Variants in RAB3C observed in about 807,000 individuals in gnomAD.
RAB3C encodes the protein RAB3C, member RAS oncogene family.
A neutral mutation model predicts 26.4 loss-of-function variants in RAB3C; 17 were observed. The observed-to-expected ratio is 0.64, with a 90% CI of 0.44 to 0.97. The LOEUF (loss-of-function observed/expected upper bound fraction) is 0.97. Ranked by LOEUF, RAB3C falls within the 50% of genes least tolerant of loss-of-function variation. The probability of loss-of-function intolerance (pLI) is 0.00; values close to 1 mark genes in which losing one functional copy is unlikely to be tolerated. For synonymous variants in RAB3C, 91 were observed against 95.9 expected, an observed-to-expected ratio of 0.95 and a Z score of 0.30; for missense variants, 242 against 281.9, an observed-to-expected ratio of 0.86 and a Z score of 1.01.
chr5:58,846,794 C>T (rs1744015432), intron 4 of RAB3C: 1 of 151,940 alleles, frequency 6.6e-6, no homozygotes, highest in South Asian at 2.1e-4. Context: ...TCTCTGCTTG[C>T]TCTTTCAGTG....
At chr5:58,800,594 G>A (rs912568144) in intron 3 of RAB3C, among the ~76,000 whole-genome samples, 6 of 152,260 alleles carry the variant, frequency 3.9e-5, no homozygotes, top group African/African-American at 7.2e-5. Flanking sequence ...TGCCTGTGGC[G>A]CGCGCATCAG....
rs1469061490 is a variant in RAB3C at position 58,797,345 on chromosome 5, AAAAAAAAAATATGTATATATATAAT to A, written c.372-27691_372-27667del. Among the ~76,000 whole-genome samples, 15 of 5,060 alleles carry A rather than the reference AAAAAAAAAATATGTATATATATAAT, an allele frequency of 3.0e-3. 2 individuals are homozygous for A. The highest frequency in any genetic ancestry group is 7.3e-3 in the African/African-American group (12 of 1,638). The allele number at this position is 5,060 out of a possible 152,430, so 3.3% of individuals were successfully genotyped here. A position where few individuals can be genotyped will look rare whatever the true frequency, so the allele number is the denominator to read the frequency against. On this transcript the variant is annotated intron_variant, in intron 3 of 4. Transcript: ENST00000282878. ...TATCAGACTCCCTGGAAGACAAAAA[AAAAAAAAAATATGTATATATATAAT>A]ATATATATATATATATATATATATA... is the stretch of plus-strand genomic sequence containing the variant.
intron 2 of RAB3C, among the ~76,000 whole-genome samples, chr5:58,634,670 A>C (rs1281358757): frequency 6.6e-6 from 1 of 152,106 alleles, no homozygotes; most frequent in African/African-American, 2.4e-5. Context: ...GTTAATATAA[A>C]ACTACTAAAT....
chr5:58,713,987 C>T (rs1749117043), intron 2 of RAB3C, among the ~76,000 whole-genome samples: 1 of 152,098 alleles, frequency 6.6e-6, no homozygotes, highest in Non-Finnish European at 1.5e-5. Context: ...CACAGTTATT[C>T]CCCCAGCAGC....
intron 3 of RAB3C, among the ~76,000 whole-genome samples, chr5:58,762,350 G>C (rs114614274): frequency 0.015 from 2,251 of 152,214 alleles, 39 homozygotes; most frequent in African/African-American, 0.052. Context: ...TAAAGACGTA[G>C]TGTATTATTT....
chr5:58,821,608 T>C (rs1283595371), intron 3 of RAB3C, among the ~76,000 whole-genome samples: 1 of 152,204 alleles, frequency 6.6e-6, no homozygotes, highest in African/African-American at 2.4e-5. Flanking sequence ...TAAGGGAATA[T>C]ATTATTAACT....
intron 4 of RAB3C, 84 bp downstream of exon 4, chr5:58,825,246 G>A (rs561180342): frequency 2.3e-6 from 3 of 1,323,464 alleles, no homozygotes; most frequent in Non-Finnish European, 3.0e-6. Flanking sequence ...TAATTGTCAG[G>A]GTGGAGTTAA....
chr5:58,728,982 C>G (rs1740945376), intron 3 of RAB3C, among the ~76,000 whole-genome samples: 2 of 151,940 alleles, frequency 1.3e-5, no homozygotes, highest in African/African-American at 4.8e-5. Context: ...AGTCTATTTA[C>G]TTTTCAAGGC....
chr5:58,702,610 C>A (rs1748869680), intron 2 of RAB3C, among the ~76,000 whole-genome samples: 1 of 152,052 alleles, frequency 6.6e-6, no homozygotes, highest in Non-Finnish European at 1.5e-5. Context: ...CTCCTGCACA[C>A]ACACATCCTT....
At chr5:58,822,035 A>C (rs1743353600) in intron 3 of RAB3C, among the ~76,000 whole-genome samples, 1 of 152,034 alleles carries the variant, frequency 6.6e-6, no homozygotes, top group South Asian at 2.1e-4. Context: ...ACGTTTCAAC[A>C]TTTCAATATT....
intron 3 of RAB3C, among the ~76,000 whole-genome samples, chr5:58,737,441 AT>A (rs1561305256): frequency 0.079 from 4,036 of 51,202 alleles, 563 homozygotes; most frequent in Non-Finnish European, 0.094. Context: ...ATATATATAT[AT>A]ATATATAATT....
chr5:58,852,182 T>G lies in RAB3C; in HGVS notation c.*831T>G, dbSNP rs1219952992. The G allele has an allele frequency of 6.6e-6, 1 of 152,138 alleles. No homozygotes were observed. Among genetic ancestry groups the G allele is most frequent in the Non-Finnish European group, 1.5e-5 (1 of 68,044 alleles). The allele number at this position is 152,138 out of a possible 1,614,324, so 9.4% of individuals were successfully genotyped here. On this transcript the variant is annotated 3_prime_UTR_variant, in exon 5 of 5. Transcript: ENST00000282878. ...CAACAAGCATTTTAACCAAGAAGGG[T>G]ATGAGTAGCTATGGAATTCCAAGGT...
chr5:58,839,554 G>C (rs1743830423), intron 4 of RAB3C, among the ~76,000 whole-genome samples: 1 of 151,868 alleles, frequency 6.6e-6, no homozygotes, highest in Admixed American at 6.6e-5. Context: ...ATTTTTAGTA[G>C]AGATGGGGTT....
intron 2 of RAB3C, among the ~76,000 whole-genome samples, chr5:58,719,444 A>C (rs1022603509): frequency 6.6e-6 from 1 of 151,996 alleles, no homozygotes; most frequent in African/African-American, 2.4e-5. Context: ...AAGTACTAAC[A>C]GTGTGTGTGG....
At chr5:58,700,002 C>T (rs903147029) in intron 2 of RAB3C, among the ~76,000 whole-genome samples, 1 of 152,194 alleles carries the variant, frequency 6.6e-6, no homozygotes, top group African/African-American at 2.4e-5. Context: ...TGAGATGAAC[C>T]AGGCACCTCA....
At chr5:58,679,107 T>C (rs1407602254) in intron 2 of RAB3C, among the ~76,000 whole-genome samples, 2 of 152,008 alleles carry the variant, frequency 1.3e-5, no homozygotes, top group African/African-American at 4.8e-5. Flanking sequence ...AAGAACACGA[T>C]GTGGTAGTGT....
In RAB3C at chr5:58,851,617, G is replaced by T. The variant is rs1041162698; in HGVS notation, c.*266G>T. ...TTTATTTGTCTGCTAGGCTCTTTTT[G>T]TTTCAAATTTGTTCTCAGACTACTT... On this transcript the variant is annotated 3_prime_UTR_variant, in exon 5 of 5. Transcript: ENST00000282878. 5 of 349,132 alleles carry T rather than the reference G, an allele frequency of 1.4e-5. No individual in the cohort carries two copies. Among genetic ancestry groups the T allele is most frequent in the Non-Finnish European group, 2.6e-5 (5 of 194,928 alleles). The allele number at this position is 349,132 out of a possible 1,614,324, so 21.6% of individuals were successfully genotyped here.
chr5:58,597,798 T>TTATATATAA (rs1746359210), intron 1 of RAB3C, among the ~76,000 whole-genome samples: 1 of 91,342 alleles, frequency 1.1e-5, no homozygotes, highest in Non-Finnish European at 2.0e-5. Context: ...GTATATAACA[T>TTATATATAA]GTAATACATT....
intron 3 of RAB3C, among the ~76,000 whole-genome samples, chr5:58,805,137 G>A (rs925849759): frequency 1.6e-4 from 24 of 151,816 alleles, no homozygotes; most frequent in African/African-American, 4.8e-4. Flanking sequence ...ATACTTATTA[G>A]GCACTGTTAA....
Sources: allele counts gnomAD v4.1 joint callset (sites outside exome capture counted in the v4.1 genomes callset), GRCh38; gene constraint gnomAD v4.1.1; transcripts MANE v1.5; gene names NCBI Gene and HGNC (gene_info 2026-07-23, HGNC 2026-07-21).